Variants in AFDN observed in about 807,000 individuals in gnomAD.
AFDN encodes afadin, adherens junction formation factor.
AFDN carries 68 observed loss-of-function variants against 216.6 expected under a neutral mutation model. The observed-to-expected ratio is 0.31, with a 90% CI of 0.26 to 0.38. The LOEUF is 0.38. Ranked by LOEUF, AFDN falls within the 10% of genes least tolerant of loss-of-function variation. The probability of loss-of-function intolerance (pLI) is 1.00; values close to 1 mark genes in which losing one functional copy is unlikely to be tolerated. For missense variants in AFDN, 2,136 were observed against 2,342.0 expected (o/e 0.91, Z 1.82); for synonymous variants, 868 against 853.7 (o/e 1.02, Z -0.29).
chr6:167,971,138 C>T lies in AFDN; in HGVS notation c.*1203C>T. The T allele has an allele frequency of 4.5e-6, 1 of 222,144 alleles. No homozygotes were observed. Among genetic ancestry groups the T allele is most frequent in the Admixed American group, 5.7e-5 (1 of 17,398 alleles). The allele number at this position is 222,144 out of a possible 1,614,324, so 13.8% of individuals were successfully genotyped here. A position where few individuals can be genotyped will look rare whatever the true frequency, so the allele number is the denominator to read the frequency against. On this transcript the variant is annotated 3_prime_UTR_variant, in exon 34 of 34. Coordinates refer to ENST00000683244, the MANE Select transcript of AFDN (RefSeq NM_001386888.1). ...AAGATGATAAATTACTTTGTGATTACAAGCAAATTTTCTATTTGACAAAGC... is the reference window on the plus strand; with the variant it reads ...AAGATGATAAATTACTTTGTGATTATAAGCAAATTTTCTATTTGACAAAGC...
chr6:167,857,333 T>A (rs1464999456), intron 1 of AFDN, among the ~76,000 whole-genome samples: 1 of 152,086 alleles, frequency 6.6e-6, no homozygotes, highest in Non-Finnish European at 1.5e-5. Context: ...AGGACTTCAA[T>A]AATGTTTTTC....
chr6:167,915,185 C>T lies in AFDN; in HGVS notation c.2317C>T (p.Leu773Phe). 1 of 1,614,148 alleles carries T rather than the reference C, an allele frequency of 6.2e-7. No homozygotes were observed. The highest frequency in any genetic ancestry group is 8.5e-7 in the Non-Finnish European group (1 of 1,180,040). The change falls in exon 19 of 34, where the codon CTC becomes TTC. Residue 773 changes from leucine (L) to phenylalanine (F), a missense_variant. Leu to Phe is a conservative substitution (Grantham distance 22, BLOSUM62 0). Coordinates refer to ENST00000683244, the MANE Select transcript of AFDN (RefSeq NM_001386888.1). ...CTGGGCAGATGATGTGCTGCACACG[C>T]TCACAGGAGCCATGTCCTTGCTACG... ...RPKIDDVLHT[L>F]TGAMSLLRRC...
chr6:167,914,054 T>A, intron 16 of AFDN, 114 bp from the exon 17 acceptor site: 1 of 1,128,096 alleles, frequency 8.9e-7, no homozygotes, highest in Non-Finnish European at 1.3e-6. Flanking sequence ...GTAAATACCT[T>A]GGTGAAATGG....
chr6:167,931,849 T>A (rs1048793446), intron 23 of AFDN, among the ~76,000 whole-genome samples: 36 of 152,130 alleles, frequency 2.4e-4, no homozygotes, highest in Admixed American at 1.6e-3. Context: ...CACATAGGAT[T>A]CTGTTTATGC....
intron 11 of AFDN, 54 bp from the exon 12 acceptor site, chr6:167,902,263 T>C: frequency 7.8e-7 from 1 of 1,284,526 alleles, no homozygotes; most frequent in African/African-American, 1.5e-5. Context: ...GAAGAGACTA[T>C]GCCTGTCATT....
chr6:167,925,034 A>G lies in AFDN; in HGVS notation c.3042A>G (p.Ile1014Met), dbSNP rs765348515. The change falls in exon 23 of 34, where the codon ATA becomes ATG. Residue 1014 changes from isoleucine (I) to methionine (M), a missense_variant. Physicochemically the swap from Ile to Met is conservative, Grantham distance 10 (BLOSUM62 1). Transcript: ENST00000683244. The part of the protein sequence containing the change: ...LAQPLRKEPE[I>M]ITVTLKKQNG... ...AGCCTCTGAGGAAAGAACCTGAAATAATCACTGTGACCCTAAAAAAGCAGA... is the reference window on the plus strand; with the variant it reads ...AGCCTCTGAGGAAAGAACCTGAAATGATCACTGTGACCCTAAAAAAGCAGA... The G allele has an allele frequency of 6.8e-6, 11 of 1,613,816 alleles. No individual in the cohort carries two copies. The highest frequency in any genetic ancestry group is 7.6e-6 in the Non-Finnish European group (9 of 1,179,798).
At chr6:167,913,721 A>G (rs929564655) in intron 16 of AFDN, 7 of 473,466 alleles carry the variant, frequency 1.5e-5, no homozygotes, top group South Asian at 5.8e-5. Context: ...TGGCCTGCAC[A>G]TGTGGTCGGG....
intron 21 of AFDN, among the ~76,000 whole-genome samples, chr6:167,920,251 A>T (rs896389718): frequency 6.6e-5 from 10 of 152,068 alleles, no homozygotes; most frequent in African/African-American, 2.4e-4. Context: ...GGGAAGGAGG[A>T]GGGCTGGGTT....
intron 6 of AFDN, among the ~76,000 whole-genome samples, chr6:167,882,127 T>TA: frequency 6.6e-6 from 1 of 151,938 alleles, no homozygotes; most frequent in Non-Finnish European, 1.5e-5. Context: ...CACTAAGACT[T>TA]ACAGAGATAA....
intron 21 of AFDN, among the ~76,000 whole-genome samples, chr6:167,921,597 A>G (rs1263064988): frequency 2.0e-5 from 3 of 152,196 alleles, no homozygotes; most frequent in Non-Finnish European, 4.4e-5. Context: ...CTTGTCTGAG[A>G]TGCATTCCGT....
At position 167,857,829 on chromosome 6, in the gene AFDN, G is replaced by C. The variant is rs181572968; in HGVS notation, c.106-6722G>C. On this transcript the variant is annotated intron_variant, in intron 1 of 33. Transcript: ENST00000683244. The stretch of plus-strand genomic sequence containing the variant: ...GTAGTCCTTTGAGAACCAACTCATA[G>C]CCTTCACTAGATGTCCAAACAGTGC... Among the ~76,000 whole-genome samples the C allele has an allele frequency of 8.9e-4, 135 of 152,200 alleles. 1 individual carries two copies. In the East Asian group the frequency reaches 0.021, roughly 24 times the overall value.
chr6:167,948,075 T>C, intron 28 of AFDN, 131 bp downstream of exon 28: 1 of 817,740 alleles, frequency 1.2e-6, no homozygotes, highest in East Asian at 2.7e-5. Context: ...TTTGCAGTGT[T>C]TTATCTTTTG....
chr6:167,852,122 C>G (rs1397318600), intron 1 of AFDN, among the ~76,000 whole-genome samples: 2 of 152,134 alleles, frequency 1.3e-5, no homozygotes, highest in Non-Finnish European at 2.9e-5. Context: ...AACAAAAATT[C>G]AACCATCATG....
rs1270721631 is a variant in AFDN, at chr6:167,962,959, G to A, written c.4968+392G>A. Reference sequence around the variant, plus strand: ...ATGTGGACCGTGGGAAGCAGTAGGAGCGTAGTAAGACAGTTGGCTGCCATT... The same window carrying A: ...ATGTGGACCGTGGGAAGCAGTAGGAACGTAGTAAGACAGTTGGCTGCCATT... On this transcript the variant is annotated intron_variant, in intron 31 of 33. Transcript: ENST00000683244. The surrounding 1 kb of genome is among the most constrained non-coding windows in gnomAD (Gnocchi z 5.2). 1.8e-6 allele frequency: 2 copies of A among 1,111,780 alleles called. No individual in the cohort carries two copies. Among genetic ancestry groups the A allele is most frequent in the Non-Finnish European group, 2.2e-6 (2 of 905,796 alleles). The allele number at this position is 1,111,780 out of a possible 1,614,324, so 68.9% of individuals were successfully genotyped here.
Position 167,955,129 on chromosome 6 carries a change from A to G in AFDN, c.4833+2942A>G, listed in dbSNP as rs148484082. Among the ~76,000 whole-genome samples, 1,217 of 152,260 alleles carry G rather than the reference A, an allele frequency of 8.0e-3. 9 individuals carry two copies. The highest frequency in any genetic ancestry group is 0.015 in the Admixed American group (222 of 15,294). On this transcript the variant is annotated intron_variant, in intron 30 of 33. Coordinates refer to ENST00000683244, the MANE Select transcript of AFDN (RefSeq NM_001386888.1). ...AGGGCCCATTATGCTTGCGTATGGT[A>G]TCTTTATCACCTGCTAGACAATTAT... is the stretch of plus-strand genomic sequence containing the variant.
intron 1 of AFDN, among the ~76,000 whole-genome samples, chr6:167,840,028 G>A (rs952928172): frequency 2.0e-5 from 3 of 152,184 alleles, no homozygotes; most frequent in African/African-American, 4.8e-5. Context: ...CATTGTGGTG[G>A]AAGACAGGCA....
intron 11 of AFDN, among the ~76,000 whole-genome samples, chr6:167,901,835 T>C (rs556099489): frequency 6.6e-6 from 1 of 152,108 alleles, no homozygotes; most frequent in Admixed American, 6.5e-5. Flanking sequence ...CTCATGCCTG[T>C]AATCCCCAGC....
intron 19 of AFDN, among the ~76,000 whole-genome samples, chr6:167,916,835 T>C (rs1791136160): frequency 1.3e-5 from 2 of 152,190 alleles, no homozygotes; most frequent in African/African-American, 4.8e-5. Context: ...TAAAATGCTT[T>C]ACGAACATAA....
chr6:167,871,665 T>C (rs1784811747), intron 3 of AFDN, among the ~76,000 whole-genome samples: 1 of 152,148 alleles, frequency 6.6e-6, no homozygotes, highest in Non-Finnish European at 1.5e-5. Flanking sequence ...AGCAAATAAA[T>C]CAGATCTGGA....
Sources: gnomAD v4.1 joint callset for allele counts (sites outside exome capture counted in the v4.1 genomes callset) on GRCh38, gnomAD v4.1.1 for gene constraint, Gnocchi (gnomAD v3.1) non-coding constraint, MANE v1.5 for transcripts, NCBI Gene and HGNC (gene_info 2026-07-23, HGNC 2026-07-21) for gene names.